The following SRD5A2 variants were observed in gnomAD, a reference collection of about 807,000 sequenced individuals.
SRD5A2 encodes the protein 3-oxo-5-alpha-steroid 4-dehydrogenase 2.
SRD5A2 carries 30 observed loss-of-function variants against 27.4 expected under a neutral mutation model. The observed-to-expected ratio is 1.10, with a 90% CI of 0.82 to 1.49. The LOEUF is 1.49. Among genes scored for constraint, SRD5A2 ranks in the 40% most tolerant of loss-of-function variants. The pLI, the probability that SRD5A2 is intolerant of heterozygous loss-of-function variation, is 0.00. For synonymous variants in SRD5A2, 141 were observed against 133.6 expected (o/e 1.06, Z -0.38); for missense variants, 348 against 323.4 (o/e 1.08, Z -0.58).
At chr2:31,529,555 C>T in intron 3 of SRD5A2, 98 bp from the exon 4 acceptor site, 5 of 1,487,860 alleles carry the variant, frequency 3.4e-6, no homozygotes, top group Non-Finnish European at 4.5e-6. Flanking sequence ...GCAGCAAGAA[C>T]AAATGTGGGG....
At chr2:31,623,827 T>C in the SRD5A2 span, among the ~76,000 whole-genome samples, 4 of 152,282 alleles carry the variant, frequency 2.6e-5, no homozygotes, top group East Asian at 5.8e-4. Flanking sequence ...TGTTGAATTT[T>C]ATTGAAGCCC....
chr2:31,619,498 T>G, the SRD5A2 span, among the ~76,000 whole-genome samples: 3 of 152,096 alleles, frequency 2.0e-5, no homozygotes, highest in African/African-American at 7.2e-5. Context: ...TGTCTTTAGG[T>G]CTTTGAAGAA....
intron 1 of SRD5A2, among the ~76,000 whole-genome samples, chr2:31,535,679 C>T (rs1025213054): frequency 2.0e-5 from 3 of 152,182 alleles, no homozygotes; most frequent in Non-Finnish European, 2.9e-5. Flanking sequence ...TCCCACCCCA[C>T]CCAATCACAA....
intron 1 of SRD5A2, among the ~76,000 whole-genome samples, chr2:31,559,191 G>A (rs1024360881): frequency 5.3e-5 from 8 of 152,150 alleles, no homozygotes; most frequent in African/African-American, 1.7e-4. Context: ...GTGATCTCCA[G>A]GCTGCAAATG....
At position 31,523,922 on chromosome 2, in the gene SRD5A2, G is replaced by C. The variant is rs1450915285; in HGVS notation, c.*2274C>G. ...AAGGGAAGGTTTCAGCTTTCATAGA[G>C]TTCACGCTACTCTACCCTATATTCA... On this transcript the variant is annotated 3_prime_UTR_variant, in exon 5 of 5. Coordinates refer to ENST00000622030, the MANE Select transcript of SRD5A2 (RefSeq NM_000348.4). The C allele has an allele frequency of 4.6e-6, 1 of 218,540 alleles. No individual in the cohort carries two copies. Among genetic ancestry groups the C allele is most frequent in the Non-Finnish European group, 9.2e-6 (1 of 108,876 alleles). The allele number at this position is 218,540 out of a possible 1,614,324, so 13.5% of individuals were successfully genotyped here.
At chr2:31,648,854 C>A in the SRD5A2 span, among the ~76,000 whole-genome samples, 4 of 152,164 alleles carry the variant, frequency 2.6e-5, no homozygotes, top group African/African-American at 9.7e-5. Flanking sequence ...CTCTGAGTAG[C>A]CTTTCTAAAC....
intron 1 of SRD5A2, among the ~76,000 whole-genome samples, chr2:31,542,471 T>C (rs867105421): frequency 6.6e-5 from 10 of 152,148 alleles, no homozygotes; most frequent in South Asian, 2.1e-4. Context: ...AACTGAACCA[T>C]GTACTACAGC....
At chr2:31,622,898 C>T in the SRD5A2 span, among the ~76,000 whole-genome samples, 1 of 152,078 alleles carries the variant, frequency 6.6e-6, no homozygotes, top group Non-Finnish European at 1.5e-5. Flanking sequence ...GAAGATGATG[C>T]TTCAAAATGA....
At chr2:31,633,123 T>C in the SRD5A2 span, among the ~76,000 whole-genome samples, 3 of 152,060 alleles carry the variant, frequency 2.0e-5, no homozygotes, top group Admixed American at 1.3e-4. Flanking sequence ...TTAGAAATGT[T>C]TATAGAAGGA....
the SRD5A2 span, among the ~76,000 whole-genome samples, chr2:31,629,385 C>A: frequency 6.6e-6 from 1 of 151,874 alleles, no homozygotes; most frequent in South Asian, 2.1e-4. Context: ...AACATTTTGG[C>A]GACCATGAAG....
the SRD5A2 span, among the ~76,000 whole-genome samples, chr2:31,610,778 A>T: frequency 2.6e-5 from 4 of 152,298 alleles, no homozygotes; most frequent in South Asian, 8.3e-4. Context: ...TGATAAACAA[A>T]TTCAATAAAG....
chr2:31,562,810 C>T (rs1344283913), intron 1 of SRD5A2, among the ~76,000 whole-genome samples: 1 of 152,070 alleles, frequency 6.6e-6, no homozygotes, highest in Non-Finnish European at 1.5e-5. Flanking sequence ...TGCACATGTA[C>T]CCCCTGAATT....
chr2:31,527,958 T>C lies in SRD5A2; in HGVS notation c.698+1349A>G, dbSNP rs78899836. ...GAGTATCCATAGTCTCCAGTAATTATAGGCTTTCTCTTTCCACAAAAGCCA... is the reference window on the plus strand; with the variant it reads ...GAGTATCCATAGTCTCCAGTAATTACAGGCTTTCTCTTTCCACAAAAGCCA... On this transcript the variant is annotated intron_variant, in intron 4 of 4. Coordinates refer to ENST00000622030, the MANE Select transcript of SRD5A2 (RefSeq NM_000348.4). 1.6e-4 allele frequency among the ~76,000 whole-genome samples: 25 copies of C among 152,376 alleles called. No individual in the cohort carries two copies. In the East Asian group the frequency reaches 4.0e-3, roughly 25 times the overall value.
At chr2:31,648,478 A>G in the SRD5A2 span, among the ~76,000 whole-genome samples, 1 of 152,212 alleles carries the variant, frequency 6.6e-6, no homozygotes, top group South Asian at 2.1e-4. Context: ...AGCTTGAGCT[A>G]GACAGAGTTG....
chr2:31,647,894 A>G, the SRD5A2 span, among the ~76,000 whole-genome samples: 1 of 152,220 alleles, frequency 6.6e-6, no homozygotes, highest in African/African-American at 2.4e-5. Flanking sequence ...GGATGTGTCT[A>G]ATTTTTTTAT....
the SRD5A2 span, among the ~76,000 whole-genome samples, chr2:31,651,020 G>A: frequency 1.3e-5 from 2 of 152,188 alleles, no homozygotes; most frequent in Non-Finnish European, 1.5e-5. Context: ...CCTGCCTTCT[G>A]CAGGCCAATC....
the SRD5A2 span, among the ~76,000 whole-genome samples, chr2:31,658,512 A>C: frequency 2.6e-5 from 4 of 151,920 alleles, no homozygotes; most frequent in Non-Finnish European, 2.9e-5. Context: ...AATAAACATA[A>C]TCTTGAAATG....
At chr2:31,638,911 T>G in the SRD5A2 span, among the ~76,000 whole-genome samples, 1 of 152,094 alleles carries the variant, frequency 6.6e-6, no homozygotes, top group Non-Finnish European at 1.5e-5. Context: ...CCATTTATAT[T>G]AAGTGTTACT....
chr2:31,560,231 G>T (rs1269199753), intron 1 of SRD5A2, among the ~76,000 whole-genome samples: 1 of 151,992 alleles, frequency 6.6e-6, no homozygotes, highest in African/African-American at 2.4e-5. Flanking sequence ...TTTCCATCTT[G>T]TTGCTACTGC....
Sources: gnomAD v4.1 joint callset for allele counts (sites outside exome capture counted in the v4.1 genomes callset) on GRCh38, gnomAD v4.1.1 for gene constraint, MANE v1.5 for transcripts, NCBI Gene and HGNC (gene_info 2026-07-23, HGNC 2026-07-21) for gene names.